Variants in DNAJC8 observed in about 807,000 individuals in gnomAD.
The protein encoded by DNAJC8 is DnaJ heat shock protein family (Hsp40) member C8.
A neutral mutation model predicts 43.2 loss-of-function variants in DNAJC8; 24 were observed. The observed-to-expected ratio is 0.56, with a 90% CI of 0.40 to 0.78. The LOEUF (loss-of-function observed/expected upper bound fraction) is 0.78. Among genes scored for constraint, DNAJC8 ranks in the 30% least tolerant of loss-of-function variants. DNAJC8 has a pLI of 0.00. For missense variants in DNAJC8, 207 were observed against 299.4 expected (o/e 0.69, Z 2.28); for synonymous variants, 83 against 98.0 (o/e 0.85, Z 0.90).
chr1:28,226,243 C>T (rs1192255419), intron 2 of DNAJC8, among the ~76,000 whole-genome samples: 1 of 151,072 alleles, frequency 6.6e-6, no homozygotes, highest in African/African-American at 2.4e-5. Context: ...TGGTGGCTCA[C>T]GTCTGTAATC....
intron 1 of DNAJC8, among the ~76,000 whole-genome samples, chr1:28,232,211 T>C (rs1057195674): frequency 3.9e-5 from 6 of 152,240 alleles, no homozygotes; most frequent in South Asian, 2.1e-4. Flanking sequence ...GGATTACAGA[T>C]GTGAGCCACT....
At chr1:28,227,238 G>A (rs556848691) in intron 2 of DNAJC8, among the ~76,000 whole-genome samples, 7 of 146,052 alleles carry the variant, frequency 4.8e-5, no homozygotes, top group African/African-American at 1.0e-4. Context: ...GCAAAACCCC[G>A]TCTCTACTAA....
chr1:28,204,771 T>G (rs898311650), intron 7 of DNAJC8, among the ~76,000 whole-genome samples: 3 of 151,994 alleles, frequency 2.0e-5, no homozygotes, highest in Non-Finnish European at 4.4e-5. Flanking sequence ...ATGCCTGTAA[T>G]CCTAACACTT....
chr1:28,229,053 A>G, intron 1 of DNAJC8, 30 bp from the exon 2 acceptor site: 1 of 1,544,022 alleles, frequency 6.5e-7, no homozygotes, highest in South Asian at 1.1e-5. Context: ...AAACTTCATT[A>G]ATAGAATTCA....
chr1:28,225,787 C>T (rs1024376401), intron 2 of DNAJC8, among the ~76,000 whole-genome samples: 3 of 149,704 alleles, frequency 2.0e-5, no homozygotes, highest in African/African-American at 7.4e-5. Context: ...ACTGCAACCT[C>T]CGCCTCCTGG....
At chr1:28,215,685 G>A (rs1247051609) in intron 2 of DNAJC8, among the ~76,000 whole-genome samples, 4 of 151,602 alleles carry the variant, frequency 2.6e-5, no homozygotes, top group South Asian at 2.1e-4. Flanking sequence ...TTACAGGCAC[G>A]TGCCACCACA....
At position 28,208,316 on chromosome 1, in the gene DNAJC8, A is replaced by G. The variant is rs772986189; in HGVS notation, c.471+26T>C. The G allele has an allele frequency of 2.5e-6, 4 of 1,585,106 alleles. No homozygotes were observed. The Admixed American group carries it at 5.1e-5, about 20-fold the overall frequency. Reference sequence around the variant, plus strand: ...TCGTAGACACAATCACACAAGATACAGTGGCTTTTCCTATATTTAACTCAC... The same window carrying G: ...TCGTAGACACAATCACACAAGATACGGTGGCTTTTCCTATATTTAACTCAC... On this transcript the variant is annotated intron_variant, in intron 6 of 8. Coordinates refer to ENST00000263697, the MANE Select transcript of DNAJC8 (RefSeq NM_014280.3).
At chr1:28,213,852 C>CA (rs1646832816) in intron 3 of DNAJC8, among the ~76,000 whole-genome samples, 2 of 151,862 alleles carry the variant, frequency 1.3e-5, no homozygotes, top group Non-Finnish European at 2.9e-5. Flanking sequence ...TCTGTCTCTA[C>CA]AAAAAATACA....
intron 1 of DNAJC8, among the ~76,000 whole-genome samples, chr1:28,232,001 C>A (rs527538841): frequency 6.6e-6 from 1 of 152,214 alleles, no homozygotes; most frequent in South Asian, 2.1e-4. Context: ...GTGATCCGCC[C>A]GTCTCGGCCT....
intron 2 of DNAJC8, among the ~76,000 whole-genome samples, chr1:28,227,097 T>C (rs1646940733): frequency 2.3e-5 from 3 of 128,494 alleles, no homozygotes; most frequent in Non-Finnish European, 3.3e-5. Flanking sequence ...AGAATTTCTC[T>C]CTCTCTCTTT....
chr1:28,213,208 A>C (rs1646827346), intron 3 of DNAJC8, among the ~76,000 whole-genome samples: 1 of 152,210 alleles, frequency 6.6e-6, no homozygotes, highest in Admixed American at 6.5e-5. Flanking sequence ...CACACTCTTA[A>C]CTATCAGTCC....
rs1479103476 is a variant in DNAJC8 at position 28,207,556 on chromosome 1, G to A, written c.471+786C>T. ...CCTCCCAGGTTCAAGCAATTCTCCT[G>A]CCTCAGCCTCTCGGGTAGTTGGGAT... On this transcript the variant is annotated intron_variant, in intron 6 of 8. Transcript: ENST00000263697. Among the ~76,000 whole-genome samples the A allele has an allele frequency of 7.3e-5, 11 of 150,552 alleles. No homozygotes were observed. The East Asian group carries it at 2.3e-3, about 31-fold the overall frequency.
At chr1:28,205,396 C>T in intron 6 of DNAJC8, 47 bp from the exon 7 acceptor site, 1 of 1,454,710 alleles carries the variant, frequency 6.9e-7, no homozygotes, top group Non-Finnish European at 9.6e-7. Flanking sequence ...AATATTTTTA[C>T]CAGCAACTTG....
At chr1:28,232,264 CA>C (rs1378044377) in intron 1 of DNAJC8, among the ~76,000 whole-genome samples, 1 of 152,126 alleles carries the variant, frequency 6.6e-6, no homozygotes, top group African/African-American at 2.4e-5. Context: ...ATTCTGACTC[CA>C]AACGGCATGC....
chr1:28,214,457 C>T (rs1646837277), intron 3 of DNAJC8, among the ~76,000 whole-genome samples: 1 of 152,100 alleles, frequency 6.6e-6, no homozygotes, highest in African/African-American at 2.4e-5. Flanking sequence ...CTGCTTGAAC[C>T]CAGGAGGTGG....
chr1:28,208,320 G>A, intron 6 of DNAJC8, 22 bp downstream of exon 6: 4 of 1,590,152 alleles, frequency 2.5e-6, no homozygotes, highest in Non-Finnish European at 3.4e-6. Context: ...AGATACAGTG[G>A]CTTTTCCTAT....
At chr1:28,216,196 A>G (rs1343137888) in intron 2 of DNAJC8, among the ~76,000 whole-genome samples, 1 of 152,146 alleles carries the variant, frequency 6.6e-6, no homozygotes, top group Non-Finnish European at 1.5e-5. Context: ...TAAAAATACA[A>G]TATTAGCCAG....
chr1:28,224,681 G>C (rs951612085), intron 2 of DNAJC8, among the ~76,000 whole-genome samples: 1 of 152,044 alleles, frequency 6.6e-6, no homozygotes, highest in Non-Finnish European at 1.5e-5. Flanking sequence ...TCAGGAGTTC[G>C]AGACAAGCCT....
chr1:28,201,320 C>A lies in DNAJC8; in HGVS notation c.690G>T (p.Thr230=). 6.2e-7 allele frequency: 1 copy of A among 1,613,576 alleles called. No individual in the cohort carries two copies. The highest frequency in any genetic ancestry group is 8.5e-7 in the Non-Finnish European group (1 of 1,179,996). ...VDSWRNFQAN[T]KGKKEKKNRT... is the part of the protein sequence containing the mutation. ...GATTTTTCTTCTCTTTCTTCCCCTT[C>A]GTATTGGCTTGGAAGTTTCGCCAGC... The change falls in exon 9 of 9, where the codon ACG becomes ACT. Residue 230 remains threonine (T), a synonymous_variant. Transcript: ENST00000263697.
Sources: allele counts gnomAD v4.1 joint callset (sites outside exome capture counted in the v4.1 genomes callset), GRCh38; gene constraint gnomAD v4.1.1; transcripts MANE v1.5; gene names NCBI Gene and HGNC (gene_info 2026-07-23, HGNC 2026-07-21).